The following RSRC1 variants were observed in gnomAD, a reference collection of about 807,000 sequenced individuals.
RSRC1 encodes arginine and serine rich coiled-coil 1, also known as serine/Arginine-related protein 53.
In RSRC1, 39 loss-of-function variants were observed where a neutral mutation model predicts 49.1. The observed-to-expected ratio is 0.79, with a 90% CI of 0.61 to 1.04. The LOEUF (loss-of-function observed/expected upper bound fraction) is 1.04. Among genes scored for constraint, RSRC1 ranks in the 50% least tolerant of loss-of-function variants. The pLI is 0.00. For synonymous variants in RSRC1, 143 were observed against 130.8 expected (o/e 1.09, Z -0.63); for missense variants, 388 against 402.4 (o/e 0.96, Z 0.31).
intron 4 of RSRC1, among the ~76,000 whole-genome samples, chr3:158,274,549 C>T (rs1043210244): frequency 9.2e-5 from 14 of 151,952 alleles, no homozygotes; most frequent in African/African-American, 3.4e-4. Context: ...CCTTTTGAAA[C>T]CCCTAGAGAA....
Position 158,387,547 on chromosome 3 carries a change from TC to T in RSRC1, c.583+32640del, listed in dbSNP as rs577056133. ...CCATCCACACCAAATTCATTGGTCA[TC>T]TACAGTATTTGCACTTAAAATTCCA... On this transcript the variant is annotated intron_variant, in intron 6 of 9. Coordinates refer to ENST00000611884, the MANE Select transcript of RSRC1 (RefSeq NM_001271838.2). Among the ~76,000 whole-genome samples the T allele has an allele frequency of 1.2e-3, 185 of 152,300 alleles. 3 individuals carry two copies. The South Asian group carries it at 0.022, about 18-fold the overall frequency.
At chr3:158,132,238 G>A (rs927307961) in intron 3 of RSRC1, 1 of 359,896 alleles carries the variant, frequency 2.8e-6, no homozygotes, top group Non-Finnish European at 5.9e-6. Context: ...CCCCTGCCTT[G>A]GCCTCACTAA....
chr3:158,261,089 A>G lies in RSRC1; in HGVS notation c.495-36950A>G, dbSNP rs894142545. Among the ~76,000 whole-genome samples the G allele has an allele frequency of 2.6e-5, 4 of 152,042 alleles. No individual in the cohort carries two copies. The South Asian group carries it at 6.2e-4, about 24-fold the overall frequency. ...GCATTTTTGTGTGGATAGTTGTTTA[A>G]TTTGCTGTTCCTGCCAGGGGGATGA... On this transcript the variant is annotated intron_variant, in intron 4 of 9. Coordinates refer to ENST00000611884, the MANE Select transcript of RSRC1 (RefSeq NM_001271838.2).
At chr3:158,378,306 T>C (rs573824491) in intron 6 of RSRC1, among the ~76,000 whole-genome samples, 1 of 152,332 alleles carries the variant, frequency 6.6e-6, no homozygotes, top group African/African-American at 2.4e-5. Flanking sequence ...TTTACAAATC[T>C]TTACTGTTAA....
At chr3:158,465,041 T>A (rs1269619930) in intron 7 of RSRC1, among the ~76,000 whole-genome samples, 1 of 152,178 alleles carries the variant, frequency 6.6e-6, no homozygotes, top group Non-Finnish European at 1.5e-5. Flanking sequence ...GGAAGTTGCT[T>A]ACTGTAAAGT....
chr3:158,254,898 C>G (rs1213431058), intron 4 of RSRC1, among the ~76,000 whole-genome samples: 1 of 152,144 alleles, frequency 6.6e-6, no homozygotes, highest in Non-Finnish European at 1.5e-5. Context: ...ATCCTCTACC[C>G]ACTTTTTGAT....
intron 6 of RSRC1, among the ~76,000 whole-genome samples, chr3:158,413,998 G>A (rs1734607716): frequency 1.3e-5 from 2 of 152,030 alleles, no homozygotes; most frequent in South Asian, 4.2e-4. Flanking sequence ...TATACTCAAA[G>A]GAATTACTGG....
chr3:158,460,746 A>G (rs1055818381), intron 6 of RSRC1, among the ~76,000 whole-genome samples, 189 bp from the exon 7 acceptor site: 4 of 151,876 alleles, frequency 2.6e-5, no homozygotes, highest in African/African-American at 4.8e-5. Context: ...AAAATTATAA[A>G]TAAATATTCT....
At chr3:158,360,044 A>G (rs1437696258) in intron 6 of RSRC1, among the ~76,000 whole-genome samples, 1 of 151,808 alleles carries the variant, frequency 6.6e-6, no homozygotes, top group Non-Finnish European at 1.5e-5. Flanking sequence ...CCTCTCTGCT[A>G]TTGGTCATCC....
intron 3 of RSRC1, among the ~76,000 whole-genome samples, chr3:158,139,778 C>T (rs947430401): frequency 5.9e-5 from 9 of 151,922 alleles, no homozygotes; most frequent in East Asian, 1.9e-4. Flanking sequence ...AGATGACAGG[C>T]GTGTGCCACC....
At chr3:158,383,521 C>A (rs1732816595) in intron 6 of RSRC1, among the ~76,000 whole-genome samples, 1 of 152,004 alleles carries the variant, frequency 6.6e-6, no homozygotes, top group South Asian at 2.1e-4. Context: ...TCTATCAAAT[C>A]ATTATGGAGG....
chr3:158,259,912 T>A (rs1232880560), intron 4 of RSRC1, among the ~76,000 whole-genome samples: 1 of 152,066 alleles, frequency 6.6e-6, no homozygotes, highest in Non-Finnish European at 1.5e-5. Flanking sequence ...CACCCAAGGT[T>A]AAGGGGTTCT....
rs1713297261 is a variant in RSRC1 at position 158,545,564 on chromosome 3, T to G, written c.*1289T>G. Reference sequence around the variant, plus strand: ...CATCTTCTTTATATTTCTGGGACATTAAAATTCAAATCTCTGTTGAAAATG... The same window carrying G: ...CATCTTCTTTATATTTCTGGGACATGAAAATTCAAATCTCTGTTGAAAATG... On this transcript the variant is annotated 3_prime_UTR_variant, in exon 10 of 10. Coordinates refer to ENST00000611884, the MANE Select transcript of RSRC1 (RefSeq NM_001271838.2). The G allele has an allele frequency of 6.6e-6, 1 of 152,186 alleles. No homozygotes were observed. Among genetic ancestry groups the G allele is most frequent in the African/African-American group, 2.4e-5 (1 of 41,462 alleles). 9.4% of individuals were successfully genotyped at this position (152,186 alleles called of 1,614,324 possible).
chr3:158,288,517 G>C (rs1726711758), intron 4 of RSRC1, among the ~76,000 whole-genome samples: 1 of 152,096 alleles, frequency 6.6e-6, no homozygotes, highest in Non-Finnish European at 1.5e-5. Context: ...CTGCGTGTGG[G>C]AAGTACCAGA....
chr3:158,113,228 TTCC>T, intron 1 of RSRC1, among the ~76,000 whole-genome samples: 1 of 152,276 alleles, frequency 6.6e-6, no homozygotes, highest in South Asian at 2.1e-4. Flanking sequence ...ACACTGCTGA[TTCC>T]TCAAAGTATC....
chr3:158,307,136 G>T (rs534198795), intron 5 of RSRC1, among the ~76,000 whole-genome samples: 2,399 of 147,984 alleles, frequency 0.016, 32 homozygotes, highest in Non-Finnish European at 0.026. Context: ...TAACAGGTTT[G>T]TTTGTTTTTT....
At chr3:158,518,097 T>TGC (rs1740676022) in intron 7 of RSRC1, among the ~76,000 whole-genome samples, 1 of 25,494 alleles carries the variant, frequency 3.9e-5, no homozygotes, top group African/African-American at 2.1e-4. Context: ...AGTGCGTGCG[T>TGC]GTGTGTGTGT....
intron 3 of RSRC1, among the ~76,000 whole-genome samples, chr3:158,126,403 G>C (rs1715631630): frequency 6.6e-6 from 1 of 151,622 alleles, no homozygotes; most frequent in South Asian, 2.1e-4. Context: ...CTTTGTGGTT[G>C]CCATGAGGCT....
chr3:158,189,352 A>C (rs747777651), intron 3 of RSRC1, among the ~76,000 whole-genome samples: 1 of 151,938 alleles, frequency 6.6e-6, no homozygotes, highest in Non-Finnish European at 1.5e-5. Context: ...CTGTGTCTTT[A>C]CTTTCTAAAT....
Sources: allele counts gnomAD v4.1 joint callset (sites outside exome capture counted in the v4.1 genomes callset), GRCh38; gene constraint gnomAD v4.1.1; transcripts MANE v1.5; gene names NCBI Gene and HGNC (gene_info 2026-07-23, HGNC 2026-07-21).